The following MAPK9 variants were observed in gnomAD, a reference collection of about 807,000 sequenced individuals.
MAPK9 encodes the protein Jun kinase.
Under a neutral mutation model 57.1 loss-of-function variants are expected in MAPK9, and 30 were observed. The observed-to-expected ratio is 0.53, with a 90% CI of 0.39 to 0.71. The LOEUF is 0.71. Ranked by LOEUF, MAPK9 falls within the 30% of genes least tolerant of loss-of-function variation. The pLI is 0.00. For missense variants in MAPK9, 362 were observed against 521.0 expected, an observed-to-expected ratio of 0.69 and a Z score of 2.97; for synonymous variants, 155 against 177.0, an observed-to-expected ratio of 0.88 and a Z score of 0.99.
chr5:180,277,430 C>G (rs1761923470), intron 2 of MAPK9, among the ~76,000 whole-genome samples: 1 of 152,248 alleles, frequency 6.6e-6, no homozygotes, highest in Admixed American at 6.5e-5. Context: ...ACATCTCTGA[C>G]TATGACCTTC....
intron 7 of MAPK9, 24 bp from the exon 8 acceptor site, chr5:180,242,779 A>G (rs777423596): frequency 8.2e-6 from 13 of 1,588,398 alleles, no homozygotes; most frequent in Admixed American, 1.7e-5. Context: ...TGAGGAAAAT[A>G]CAACTGAAGT....
intron 1 of MAPK9, among the ~76,000 whole-genome samples, chr5:180,289,126 A>G (rs1763018720): frequency 6.6e-6 from 1 of 152,352 alleles, no homozygotes; most frequent in Admixed American, 6.5e-5. Context: ...AAGAAAAAAA[A>G]TCTGGTCTCT....
chr5:180,263,730 G>C (rs1197163678), intron 4 of MAPK9, among the ~76,000 whole-genome samples: 1 of 124,658 alleles, frequency 8.0e-6, no homozygotes, highest in Middle Eastern at 4.7e-3. Context: ...TTTTGAGACA[G>C]AGTCTTGCTC....
intron 7 of MAPK9, among the ~76,000 whole-genome samples, chr5:180,245,455 A>C (rs1315442996): frequency 6.6e-6 from 1 of 152,154 alleles, no homozygotes; most frequent in African/African-American, 2.4e-5. Context: ...AGGTGAGAGA[A>C]ATATCTGCTG....
intron 5 of MAPK9, among the ~76,000 whole-genome samples, chr5:180,259,216 A>C (rs1192107947): frequency 2.0e-5 from 3 of 151,754 alleles, no homozygotes. Context: ...GACTGTAAGG[A>C]ATGTGGTCAA....
rs1220128965 is a variant in MAPK9, at chr5:180,291,882, C to A, written c.-82G>T. 4.8e-5 allele frequency: 7 copies of A among 146,918 alleles called. No homozygotes were observed. Among genetic ancestry groups the A allele is most frequent in the Non-Finnish European group, 1.1e-4 (7 of 65,750 alleles). The allele number at this position is 146,918 out of a possible 1,614,324, so 9.1% of individuals were successfully genotyped here. Reference sequence around the variant, plus strand: ...CCGCCGCCGCGCCACGGGGAGAGGGCGGGCGGGCGGACTGGCGGCGCTGCG... The same window carrying A: ...CCGCCGCCGCGCCACGGGGAGAGGGAGGGCGGGCGGACTGGCGGCGCTGCG... On this transcript the variant is annotated 5_prime_UTR_variant, in exon 1 of 12. Transcript: ENST00000452135.
intron 3 of MAPK9, among the ~76,000 whole-genome samples, chr5:180,266,365 A>T (rs1760549527): frequency 2.0e-5 from 3 of 149,188 alleles, no homozygotes; most frequent in South Asian, 4.2e-4. Flanking sequence ...CCCAGGCTGG[A>T]GTGCAATGGC....
chr5:180,259,291 A>G (rs1274592781), intron 5 of MAPK9, among the ~76,000 whole-genome samples: 1 of 151,826 alleles, frequency 6.6e-6, no homozygotes, highest in Non-Finnish European at 1.5e-5. Flanking sequence ...GAACCCTTTG[A>G]CTGTAAGGAA....
intron 5 of MAPK9, among the ~76,000 whole-genome samples, chr5:180,251,379 C>T (rs1404632345): frequency 6.6e-6 from 1 of 152,242 alleles, no homozygotes; most frequent in Non-Finnish European, 1.5e-5. Flanking sequence ...CCTGCCAGCT[C>T]TGTGAACCCC....
At chr5:180,270,373 CTTACT>C (rs1300391932) in intron 2 of MAPK9, among the ~76,000 whole-genome samples, 5 of 152,118 alleles carry the variant, frequency 3.3e-5, no homozygotes, top group African/African-American at 1.2e-4. Flanking sequence ...AAGAAGCTAC[CTTACT>C]TTAATTCAGT....
chr5:180,266,660 C>G, intron 3 of MAPK9, among the ~76,000 whole-genome samples: 1 of 151,624 alleles, frequency 6.6e-6, no homozygotes, highest in Non-Finnish European at 1.5e-5. Flanking sequence ...GTTTTGTTGC[C>G]CAGGTGTGCC....
At chr5:180,240,045 T>C in intron 9 of MAPK9, 58 bp from the exon 10 acceptor site, 1 of 1,315,864 alleles carries the variant, frequency 7.6e-7, no homozygotes, top group Non-Finnish European at 1.1e-6. Flanking sequence ...AATGAGGCAC[T>C]AAAAAAGGTA....
intron 4 of MAPK9, among the ~76,000 whole-genome samples, chr5:180,264,022 C>T (rs969028331): frequency 3.3e-5 from 5 of 152,094 alleles, no homozygotes; most frequent in Non-Finnish European, 7.4e-5. Flanking sequence ...CTTCTTTATC[C>T]CCTTCAAGGC....
At chr5:180,268,332 T>C (rs112397360) in intron 3 of MAPK9, among the ~76,000 whole-genome samples, 5 of 152,360 alleles carry the variant, frequency 3.3e-5, no homozygotes, top group African/African-American at 1.2e-4. Context: ...GAAACTGGTG[T>C]GTCATATACA....
At chr5:180,268,768 AGCGAGCCAAGATCC>A (rs1362480375) in intron 3 of MAPK9, among the ~76,000 whole-genome samples, 1 of 151,122 alleles carries the variant, frequency 6.6e-6, no homozygotes, top group Non-Finnish European at 1.5e-5. Flanking sequence ...TGGAGCTTGC[AGCGAGCCAAGATCC>A]CACCACTGCA....
intron 8 of MAPK9, among the ~76,000 whole-genome samples, chr5:180,242,047 AGTT>A (rs1252901974): frequency 6.6e-6 from 1 of 152,224 alleles, no homozygotes; most frequent in African/African-American, 2.4e-5. Context: ...TCAATAACTT[AGTT>A]AAATATAAGG....
At chr5:180,245,404 C>T (rs184096417) in intron 7 of MAPK9, among the ~76,000 whole-genome samples, 1 of 152,318 alleles carries the variant, frequency 6.6e-6, no homozygotes, top group Non-Finnish European at 1.5e-5. Flanking sequence ...CTGGGAGGAG[C>T]CTCTTTGCAT....
chr5:180,274,357 G>T (rs1330133513), intron 2 of MAPK9, among the ~76,000 whole-genome samples: 1 of 152,208 alleles, frequency 6.6e-6, no homozygotes, highest in African/African-American at 2.4e-5. Flanking sequence ...ATCCAGGTGG[G>T]CCTATTCTTA....
intron 2 of MAPK9, among the ~76,000 whole-genome samples, chr5:180,273,840 CCA>C (rs1485888166): frequency 2.6e-5 from 4 of 152,216 alleles, no homozygotes; most frequent in Non-Finnish European, 5.9e-5. Flanking sequence ...TCTCCTTGCA[CCA>C]CACGACACCA....
Sources: gnomAD v4.1 joint callset for allele counts (sites outside exome capture counted in the v4.1 genomes callset) on GRCh38, gnomAD v4.1.1 for gene constraint, MANE v1.5 for transcripts, NCBI Gene and HGNC (gene_info 2026-07-23, HGNC 2026-07-21) for gene names.